TMEM167A: variants seen among roughly 807,000 people sequenced by gnomAD.
TMEM167A encodes transmembrane protein 167A.
A neutral mutation model predicts 11.6 loss-of-function variants in TMEM167A; 8 were observed. That is an observed-to-expected ratio of 0.69 (90% CI 0.40 to 1.24). The LOEUF is 1.24. Ranked by LOEUF, TMEM167A falls within the 50% of genes most tolerant of loss-of-function variation. The pLI is 0.01. For missense variants in TMEM167A, 62 were observed against 87.0 expected (o/e 0.71, Z 1.14); for synonymous variants, 22 against 28.0 (o/e 0.79, Z 0.67).
chr5:83,062,609 T>C (rs998917506), intron 2 of TMEM167A, among the ~76,000 whole-genome samples: 1 of 151,892 alleles, frequency 6.6e-6, no homozygotes, highest in Admixed American at 6.6e-5. Flanking sequence ...TTATATGGAG[T>C]AATCACTTAT....
chr5:83,063,450 A>G (rs979326804), intron 2 of TMEM167A, among the ~76,000 whole-genome samples: 11 of 152,150 alleles, frequency 7.2e-5, no homozygotes, highest in Middle Eastern at 3.2e-3. Flanking sequence ...TTGCAAAGCC[A>G]TGGCTCCTTC....
chr5:83,054,784 G>C lies in TMEM167A; in HGVS notation c.*2300C>G, dbSNP rs1744304927. 1 of 151,770 alleles carries C rather than the reference G, an allele frequency of 6.6e-6. No individual in the cohort carries two copies. The highest frequency in any genetic ancestry group is 2.4e-5 in the African/African-American group (1 of 41,348). 9.4% of individuals were successfully genotyped at this position (151,770 alleles called of 1,614,324 possible). On this transcript the variant is annotated 3_prime_UTR_variant, in exon 4 of 4. Transcript: ENST00000502346. ...AATAATCTGTACAACAAAACCACTT[G>C]ACATGAGTTTACCTATATAACAACC...
At chr5:83,066,258 T>A (rs1279560031) in intron 1 of TMEM167A, among the ~76,000 whole-genome samples, 1 of 152,232 alleles carries the variant, frequency 6.6e-6, no homozygotes, top group Non-Finnish European at 1.5e-5. Context: ...TATGCTTGTT[T>A]AGTAAACTTA....
intron 1 of TMEM167A, among the ~76,000 whole-genome samples, chr5:83,075,174 GA>G (rs1182267564): frequency 6.6e-6 from 1 of 152,142 alleles, no homozygotes; most frequent in South Asian, 2.1e-4. Context: ...TGTTTTCTGT[GA>G]AAAGGGTTAT....
At position 83,072,689 on chromosome 5, in the gene TMEM167A, C is replaced by T. The variant is rs901759154; in HGVS notation, c.3+4632G>A. ...GACTACAGGTGCACGCCACCAAGCC[C>T]GGCTAGTTTTTTTTGTATTTTTAGT... On this transcript the variant is annotated intron_variant, in intron 1 of 3. Coordinates refer to ENST00000502346, the MANE Select transcript of TMEM167A (RefSeq NM_174909.5). Among the ~76,000 whole-genome samples the T allele has an allele frequency of 1.8e-4, 27 of 152,060 alleles. 1 individual carries two copies. Among genetic ancestry groups the T allele is most frequent in the African/African-American group, 6.3e-4 (26 of 41,404 alleles).
At chr5:83,063,250 C>G (rs1028427186) in intron 2 of TMEM167A, among the ~76,000 whole-genome samples, 1 of 152,060 alleles carries the variant, frequency 6.6e-6, no homozygotes, top group African/African-American at 2.4e-5. Context: ...GGTATTGTAT[C>G]TCTTTAACAA....
In TMEM167A at chr5:83,065,405, AAT is replaced by A. The variant is rs576630233; in HGVS notation, c.4-290_4-289del. 8.3e-5 allele frequency among the ~76,000 whole-genome samples: 11 copies of A among 132,562 alleles called. No individual in the cohort carries two copies. The South Asian group carries it at 2.7e-3, about 32-fold the overall frequency. 87.0% of individuals were successfully genotyped at this position (132,562 alleles called of 152,430 possible). On this transcript the variant is annotated intron_variant, in intron 1 of 3. Transcript: ENST00000502346. Reference sequence around the variant, plus strand: ...GCTAGCTAAGTTTCTTTTAATTCTGAATTTTTTTAAGGATAAACATCCTTTAA... The same window carrying A: ...GCTAGCTAAGTTTCTTTTAATTCTGATTTTTTAAGGATAAACATCCTTTAA...
chr5:83,072,043 T>C (rs893019824), intron 1 of TMEM167A, among the ~76,000 whole-genome samples: 28 of 152,368 alleles, frequency 1.8e-4, no homozygotes, highest in African/African-American at 6.5e-4. Context: ...TTCATGGATA[T>C]GATGAGTAAA....
chr5:83,077,127 G>A (rs532815367), intron 1 of TMEM167A, among the ~76,000 whole-genome samples, 194 bp downstream of exon 1: 2 of 152,314 alleles, frequency 1.3e-5, no homozygotes, highest in South Asian at 2.1e-4. Flanking sequence ...ATGAGGGGCG[G>A]GCTGCCGACC....
chr5:83,057,486 C>A (rs1744348944), intron 3 of TMEM167A, among the ~76,000 whole-genome samples: 1 of 152,010 alleles, frequency 6.6e-6, no homozygotes, highest in South Asian at 2.1e-4. Flanking sequence ...ACGATCTCAA[C>A]TCAATTGAGG....
intron 2 of TMEM167A, among the ~76,000 whole-genome samples, chr5:83,063,756 T>C (rs933748999): frequency 6.6e-6 from 1 of 151,994 alleles, no homozygotes; most frequent in African/African-American, 2.4e-5. Flanking sequence ...TGTAATTACG[T>C]TGCTTAGTTA....
At chr5:83,077,037 C>T (rs1456864499) in intron 1 of TMEM167A, among the ~76,000 whole-genome samples, 1 of 152,238 alleles carries the variant, frequency 6.6e-6, no homozygotes, top group Admixed American at 6.5e-5. Context: ...TCAATGACCA[C>T]ACATAATCTA....
intron 3 of TMEM167A, among the ~76,000 whole-genome samples, chr5:83,060,304 A>G (rs1561301565): frequency 6.6e-6 from 1 of 152,076 alleles, no homozygotes; most frequent in African/African-American, 2.4e-5. Context: ...TAGAAAAAAT[A>G]TTTTTCATTA....
chr5:83,068,783 C>T lies in TMEM167A; in HGVS notation c.4-3666G>A, dbSNP rs964096124. 3.9e-5 allele frequency among the ~76,000 whole-genome samples: 6 copies of T among 152,088 alleles called. No homozygotes were observed. The East Asian group carries it at 1.2e-3, about 29-fold the overall frequency. ...TCTTCAAAGTAGGTTTATCATTTTC[C>T]TAATGCAGTATCTAAATTCATGACT... On this transcript the variant is annotated intron_variant, in intron 1 of 3. Coordinates refer to ENST00000502346, the MANE Select transcript of TMEM167A (RefSeq NM_174909.5).
In TMEM167A at chr5:83,077,388, C is replaced by T. The variant is rs1054110449; in HGVS notation, c.-65G>A. 2 of 1,612,852 alleles carry T rather than the reference C, an allele frequency of 1.2e-6. No individual in the cohort carries two copies. Among genetic ancestry groups the T allele is most frequent in the African/African-American group, 1.3e-5 (1 of 74,922 alleles). On this transcript the variant is annotated 5_prime_UTR_variant, in exon 1 of 4. Coordinates refer to ENST00000502346, the MANE Select transcript of TMEM167A (RefSeq NM_174909.5). Reference sequence around the variant, plus strand: ...GGCTCAGGCGGAAGAGGCTGCATGTCCCGTCTGCCCTTCTCGCCCTCTCCA... The same window carrying T: ...GGCTCAGGCGGAAGAGGCTGCATGTTCCGTCTGCCCTTCTCGCCCTCTCCA...
chr5:83,059,478 T>C (rs1404258950), intron 3 of TMEM167A, among the ~76,000 whole-genome samples: 1 of 152,022 alleles, frequency 6.6e-6, no homozygotes, highest in African/African-American at 2.4e-5. Context: ...TCTTTGTACT[T>C]TACTTGAGGT....
At chr5:83,075,609 G>A (rs1744631783) in intron 1 of TMEM167A, among the ~76,000 whole-genome samples, 1 of 152,000 alleles carries the variant, frequency 6.6e-6, no homozygotes, top group African/African-American at 2.4e-5. Context: ...GCCAGGCGTG[G>A]TTGTGCACGC....
At chr5:83,069,303 T>A (rs1744528831) in intron 1 of TMEM167A, among the ~76,000 whole-genome samples, 1 of 152,030 alleles carries the variant, frequency 6.6e-6, no homozygotes. Context: ...AAAATTTTAG[T>A]CTCAGGGTTA....
chr5:83,059,837 T>C (rs1033964775), intron 3 of TMEM167A, among the ~76,000 whole-genome samples: 1 of 151,974 alleles, frequency 6.6e-6, no homozygotes, highest in Non-Finnish European at 1.5e-5. Context: ...CCCTCACCTA[T>C]ACCCACTACA....
Sources: gnomAD v4.1 joint callset for allele counts (sites outside exome capture counted in the v4.1 genomes callset) on GRCh38, gnomAD v4.1.1 for gene constraint, MANE v1.5 for transcripts, NCBI Gene and HGNC (gene_info 2026-07-23, HGNC 2026-07-21) for gene names.